MKLN1: variants seen among roughly 807,000 people sequenced by gnomAD.
The protein encoded by MKLN1 is muskelin 1.
In MKLN1, 18 loss-of-function variants were observed where a neutral mutation model predicts 99.0. That is an observed-to-expected ratio of 0.18 (90% CI 0.13 to 0.27). The LOEUF is 0.27. Ranked by LOEUF, MKLN1 falls within the 10% of genes least tolerant of loss-of-function variation. The pLI is 1.00. For missense variants in MKLN1, 621 were observed against 875.9 expected, an observed-to-expected ratio of 0.71 and a Z score of 3.67; for synonymous variants, 288 against 293.2, an observed-to-expected ratio of 0.98 and a Z score of 0.18.
intron 17 of MKLN1, among the ~76,000 whole-genome samples, chr7:131,486,446 G>C (rs1797280695): frequency 6.6e-6 from 1 of 152,066 alleles, no homozygotes; most frequent in Non-Finnish European, 1.5e-5. Context: ...AAAATAAAAA[G>C]GAATGTGCTG....
chr7:131,229,817 G>A (rs1797215230), intron 3 of MKLN1, among the ~76,000 whole-genome samples: 1 of 152,098 alleles, frequency 6.6e-6, no homozygotes, highest in African/African-American at 2.4e-5. Context: ...GCCTCCCGAA[G>A]TGCTAGGATT....
intron 2 of MKLN1, among the ~76,000 whole-genome samples, chr7:131,190,947 G>A (rs1796529469): frequency 2.6e-5 from 4 of 152,162 alleles, no homozygotes; most frequent in Admixed American, 2.6e-4. Context: ...AAATCACCTG[G>A]GAACCTTGTT....
At chr7:131,173,868 G>A (rs1046839487) in intron 2 of MKLN1, among the ~76,000 whole-genome samples, 4 of 151,424 alleles carry the variant, frequency 2.6e-5, no homozygotes, top group African/African-American at 7.3e-5. Flanking sequence ...AAACAACATA[G>A]TCTTCATTTA....
chr7:131,114,941 A>C (rs1041447246), intron 1 of MKLN1, among the ~76,000 whole-genome samples: 1 of 151,956 alleles, frequency 6.6e-6, no homozygotes, highest in Non-Finnish European at 1.5e-5. Flanking sequence ...GTCTCAAGAA[A>C]AAAAAAAAAA....
chr7:131,292,211 T>A (rs1798229798), intron 3 of MKLN1, among the ~76,000 whole-genome samples: 1 of 151,918 alleles, frequency 6.6e-6, no homozygotes, highest in Non-Finnish European at 1.5e-5. Context: ...AAAATGATAG[T>A]TTTTTTTGCA....
At chr7:131,400,776 T>C (rs1019349362) in intron 6 of MKLN1, among the ~76,000 whole-genome samples, 1 of 152,080 alleles carries the variant, frequency 6.6e-6, no homozygotes, top group Non-Finnish European at 1.5e-5. Flanking sequence ...GATTAGCTGA[T>C]AAAAATCTTG....
chr7:131,222,777 G>T (rs1797078745), intron 3 of MKLN1, among the ~76,000 whole-genome samples: 1 of 151,126 alleles, frequency 6.6e-6, no homozygotes. Flanking sequence ...AACATTTTGG[G>T]AGGCCAAGGC....
intron 3 of MKLN1, among the ~76,000 whole-genome samples, chr7:131,275,917 CCT>C (rs1203311469): frequency 6.6e-6 from 1 of 152,162 alleles, no homozygotes; most frequent in African/African-American, 2.4e-5. Context: ...CCAAGGCAGG[CCT>C]TCCCATGCTG....
At chr7:131,246,594 A>G (rs746583896) in intron 3 of MKLN1, among the ~76,000 whole-genome samples, 18 of 150,042 alleles carry the variant, frequency 1.2e-4, no homozygotes, top group Non-Finnish European at 2.5e-4. Flanking sequence ...ACAGCTCTTC[A>G]TTACAATACT....
chr7:131,168,662 T>C (rs1227640483), intron 2 of MKLN1, among the ~76,000 whole-genome samples: 3 of 152,128 alleles, frequency 2.0e-5, no homozygotes, highest in Non-Finnish European at 4.4e-5. Flanking sequence ...TAATTCAATG[T>C]CTACCTACTA....
upstream of MKLN1, chr7:131,324,501 G>A (rs564991620): frequency 2.4e-4 from 37 of 152,234 alleles, no homozygotes; most frequent in African/African-American, 8.4e-4. Flanking sequence ...CTGCAACCTG[G>A]GAACATAGAT....
intron 3 of MKLN1, among the ~76,000 whole-genome samples, chr7:131,245,543 G>A (rs1797474572): frequency 6.6e-6 from 1 of 152,208 alleles, no homozygotes; most frequent in Non-Finnish European, 1.5e-5. Flanking sequence ...GCCTCCCAAA[G>A]TGCTGGGATT....
At chr7:131,338,474 A>G (rs560646673) in intron 1 of MKLN1, among the ~76,000 whole-genome samples, 2 of 152,378 alleles carry the variant, frequency 1.3e-5, no homozygotes, top group Admixed American at 6.5e-5. Flanking sequence ...GATACCCTTC[A>G]GTGAGTTTCT....
chr7:131,218,599 A>G (rs1797017793), intron 3 of MKLN1, among the ~76,000 whole-genome samples: 1 of 152,236 alleles, frequency 6.6e-6, no homozygotes, highest in Non-Finnish European at 1.5e-5. Context: ...TAATTTTTGT[A>G]TAGGTGGTTC....
intron 3 of MKLN1, among the ~76,000 whole-genome samples, chr7:131,235,513 G>A (rs571623526): frequency 1.3e-5 from 2 of 152,230 alleles, no homozygotes; most frequent in East Asian, 1.9e-4. Flanking sequence ...CTTCTGGTGA[G>A]TTTTTGGCTT....
At chr7:131,319,887 C>G (rs1168798630) in intron 3 of MKLN1, among the ~76,000 whole-genome samples, 1 of 152,076 alleles carries the variant, frequency 6.6e-6, no homozygotes, top group Non-Finnish European at 1.5e-5. Flanking sequence ...CGTGAAGGAT[C>G]TTTTCAAGGA....
intron 3 of MKLN1, among the ~76,000 whole-genome samples, chr7:131,271,039 C>G (rs778324182): frequency 8.5e-5 from 13 of 152,112 alleles, no homozygotes; most frequent in Non-Finnish European, 1.2e-4. Context: ...CTATGCTAAA[C>G]TGTCAGAACA....
intron 2 of MKLN1, among the ~76,000 whole-genome samples, chr7:131,379,928 T>C (rs1421430273): frequency 6.6e-6 from 1 of 152,234 alleles, no homozygotes; most frequent in African/African-American, 2.4e-5. Context: ...GGGCCACTTT[T>C]CTACTGAGTA....
At chr7:131,463,105 CAG>C (rs1796563715) in intron 12 of MKLN1, 110 bp from the exon 13 acceptor site, 21 of 915,270 alleles carry the variant, frequency 2.3e-5, no homozygotes, top group Non-Finnish European at 3.1e-5. Flanking sequence ...GCTTGGGCAA[CAG>C]AGTGAAATGC....
Sources: gnomAD v4.1 joint callset for allele counts (sites outside exome capture counted in the v4.1 genomes callset) on GRCh38, gnomAD v4.1.1 for gene constraint, MANE v1.5 for transcripts, NCBI Gene and HGNC (gene_info 2026-07-23, HGNC 2026-07-21) for gene names.